RBFOX1: variants seen among roughly 807,000 people sequenced by gnomAD.
RBFOX1 encodes the protein RNA binding fox-1 homolog 1, also known as RNA binding protein fox-1 homolog 1.
Under a neutral mutation model 57.7 loss-of-function variants are expected in RBFOX1, and 8 were observed. The ratio of observed to expected loss-of-function variants is 0.14; its 90% CI spans 0.08 to 0.25. The LOEUF (loss-of-function observed/expected upper bound fraction) is 0.25. RBFOX1 is among the 10% of genes least tolerant of loss of function. The probability of loss-of-function intolerance (pLI) is 1.00; values close to 1 mark genes in which losing one functional copy is unlikely to be tolerated. For synonymous variants in RBFOX1, 326 were observed against 222.4 expected (o/e 1.47, Z -4.15); for missense variants, 611 against 548.5 (o/e 1.11, Z -1.14).
At chr16:6,033,480 T>C (rs2095319424) in intron 1 of RBFOX1, among the ~76,000 whole-genome samples, 1 of 152,220 alleles carries the variant, frequency 6.6e-6, no homozygotes, top group South Asian at 2.1e-4. Context: ...AATACAAACA[T>C]TTACACAGAT....
intron 4 of RBFOX1, among the ~76,000 whole-genome samples, chr16:7,405,688 C>A (rs1015065168): frequency 2.0e-5 from 3 of 152,222 alleles, no homozygotes; most frequent in African/African-American, 7.2e-5. Context: ...CAGGTCCCAG[C>A]TGCACCTGTG....
intron 3 of RBFOX1, among the ~76,000 whole-genome samples, chr16:6,852,319 G>T (rs989382515): frequency 3.9e-5 from 6 of 152,116 alleles, no homozygotes; most frequent in East Asian, 1.9e-4. Flanking sequence ...AAGGATGCTT[G>T]AGGTTGCGTG....
chr16:6,819,628 C>T (rs1035645055), intron 3 of RBFOX1, among the ~76,000 whole-genome samples: 4 of 134,962 alleles, frequency 3.0e-5, no homozygotes, highest in Admixed American at 2.6e-4. Flanking sequence ...TTGCTTGAAC[C>T]TGGGAAGCGG....
chr16:6,780,410 TTATA>T (rs1555461307), intron 3 of RBFOX1, among the ~76,000 whole-genome samples: 1 of 79,224 alleles, frequency 1.3e-5, no homozygotes, highest in Non-Finnish European at 2.0e-5. Context: ...TTATATATAT[TTATA>T]TATATTTATA....
At chr16:7,394,166 G>T (rs1160682247) in intron 4 of RBFOX1, among the ~76,000 whole-genome samples, 2 of 143,870 alleles carry the variant, frequency 1.4e-5, no homozygotes, top group Non-Finnish European at 3.0e-5. Context: ...AACCCAGGAG[G>T]CAGAGGTTGT....
At chr16:7,585,887 C>A (rs959505388) in intron 6 of RBFOX1, among the ~76,000 whole-genome samples, 1 of 152,212 alleles carries the variant, frequency 6.6e-6, no homozygotes, top group Middle Eastern at 3.4e-3. Flanking sequence ...CTTGTGTGGT[C>A]TTTTTGTTTG....
intron 3 of RBFOX1, among the ~76,000 whole-genome samples, chr16:5,710,380 A>G (rs1290833285): frequency 6.6e-6 from 1 of 152,142 alleles, no homozygotes; most frequent in East Asian, 1.9e-4. Context: ...AGTGCCATTG[A>G]CATGGGTCTC....
intron 10 of RBFOX1, among the ~76,000 whole-genome samples, chr16:7,625,463 A>G (rs1191436121): frequency 2.0e-5 from 3 of 152,188 alleles, no homozygotes; most frequent in African/African-American, 7.2e-5. Context: ...AGGTACAGAC[A>G]GTGCATGACA....
chr16:6,900,888 G>C (rs925582523), intron 3 of RBFOX1, among the ~76,000 whole-genome samples: 2 of 152,172 alleles, frequency 1.3e-5, no homozygotes, highest in African/African-American at 4.8e-5. Context: ...CATATGTCTT[G>C]TGAACTGCTA....
chr16:5,822,810 G>T (rs960255993), intron 3 of RBFOX1, among the ~76,000 whole-genome samples: 17 of 152,196 alleles, frequency 1.1e-4, no homozygotes, highest in Admixed American at 3.3e-4. Context: ...GAACCTAGCT[G>T]CCCAGGTTTA....
chr16:5,519,393 G>A (rs1448070594), intron 2 of RBFOX1, among the ~76,000 whole-genome samples: 1 of 152,106 alleles, frequency 6.6e-6, no homozygotes, highest in African/African-American at 2.4e-5. Context: ...GGATAAATGT[G>A]GTAGGAGGCA....
chr16:7,389,263 G>A (rs4787010), intron 4 of RBFOX1, among the ~76,000 whole-genome samples: 150,800 of 152,232 alleles, frequency 0.99, 74,695 homozygotes, highest in East Asian at 1. Flanking sequence ...ATAGCTGGCA[G>A]CACAGGTGTG....
intron 1 of RBFOX1, among the ~76,000 whole-genome samples, chr16:5,385,857 T>C (rs545727162): frequency 1.3e-5 from 2 of 152,320 alleles, no homozygotes; most frequent in South Asian, 2.1e-4. Context: ...GCAACTGATA[T>C]AATGTGTGAT....
chr16:5,274,047 C>G (rs2063081785), intron 1 of RBFOX1, among the ~76,000 whole-genome samples: 1 of 152,210 alleles, frequency 6.6e-6, no homozygotes, highest in African/African-American at 2.4e-5. Flanking sequence ...AAGGAGAATG[C>G]TAACAGACAA....
At chr16:6,903,463 A>C (rs1224930751) in intron 3 of RBFOX1, among the ~76,000 whole-genome samples, 2 of 152,314 alleles carry the variant, frequency 1.3e-5, no homozygotes, top group East Asian at 3.9e-4. Flanking sequence ...TCTGTCTTTG[A>C]ATTCTCTAGT....
intron 3 of RBFOX1, among the ~76,000 whole-genome samples, chr16:6,857,174 T>C (rs1250364757): frequency 1.3e-5 from 2 of 152,176 alleles, no homozygotes; most frequent in African/African-American, 4.8e-5. Flanking sequence ...AAAAAGACTT[T>C]CAGGTTCCTG....
At chr16:7,630,292 G>T (rs2060737942) in intron 10 of RBFOX1, among the ~76,000 whole-genome samples, 1 of 152,014 alleles carries the variant, frequency 6.6e-6, no homozygotes, top group Admixed American at 6.6e-5. Context: ...TATTTCTCAA[G>T]TTCCCTTTTC....
intron 1 of RBFOX1, chr16:5,467,083 C>T (rs753428742): frequency 1.3e-4 from 134 of 1,063,560 alleles, no homozygotes; most frequent in Middle Eastern, 3.1e-4. Flanking sequence ...ATTTAATGGA[C>T]GTTTTGAGAA....
At chr16:7,098,460 G>C (rs1389126049) in intron 4 of RBFOX1, among the ~76,000 whole-genome samples, 1 of 152,116 alleles carries the variant, frequency 6.6e-6, no homozygotes, top group Non-Finnish European at 1.5e-5. Flanking sequence ...ATGAGCTACT[G>C]TGCCAGGTAG....
Sources: gnomAD v4.1 joint callset for allele counts (sites outside exome capture counted in the v4.1 genomes callset) on GRCh38, gnomAD v4.1.1 for gene constraint, MANE v1.5 for transcripts, NCBI Gene and HGNC (gene_info 2026-07-23, HGNC 2026-07-21) for gene names.